ADGRB3: variants seen among roughly 807,000 people sequenced by gnomAD.
The protein encoded by ADGRB3 is brain-specific angiogenesis inhibitor 3.
A neutral mutation model predicts 193.4 loss-of-function variants in ADGRB3; 37 were observed. The ratio of observed to expected loss-of-function variants is 0.19; its 90% CI spans 0.15 to 0.25. ADGRB3 has a LOEUF of 0.25. Ranked by LOEUF, ADGRB3 falls within the 10% of genes least tolerant of loss-of-function variation. The pLI, the probability that ADGRB3 is intolerant of heterozygous loss-of-function variation, is 1.00. For missense variants in ADGRB3, 1,637 were observed against 1,852.9 expected (o/e 0.88, Z 2.14); for synonymous variants, 690 against 644.2 (o/e 1.07, Z -1.08).
chr6:68,669,981 T>C (rs958754256), intron 3 of ADGRB3, among the ~76,000 whole-genome samples: 1 of 152,032 alleles, frequency 6.6e-6, no homozygotes, highest in Non-Finnish European at 1.5e-5. Context: ...TGAGATTATA[T>C]CTCATTGTAG....
intron 29 of ADGRB3, among the ~76,000 whole-genome samples, chr6:69,363,185 G>A (rs967779607): frequency 6.6e-6 from 1 of 151,812 alleles, no homozygotes; most frequent in Non-Finnish European, 1.5e-5. Context: ...TTATTATTAA[G>A]TGTATTATAT....
At chr6:69,270,121 A>C (rs62408272) in intron 20 of ADGRB3, among the ~76,000 whole-genome samples, 7,115 of 152,192 alleles carry the variant, frequency 0.047, 225 homozygotes, top group Non-Finnish European at 0.072. Context: ...TTTCTCCACT[A>C]TGGCTGACAT....
intron 3 of ADGRB3, among the ~76,000 whole-genome samples, chr6:68,648,094 A>G (rs1320698876): frequency 1.3e-5 from 2 of 152,174 alleles, no homozygotes; most frequent in Admixed American, 6.6e-5. Context: ...AATTTTGTGC[A>G]CTTGCAGAGA....
intron 3 of ADGRB3, among the ~76,000 whole-genome samples, chr6:68,825,524 G>A (rs760183247): frequency 6.6e-6 from 1 of 152,194 alleles, no homozygotes; most frequent in Admixed American, 6.5e-5. Context: ...TTAAGAAACA[G>A]AACTTTAGAT....
rs1773470513 is a variant in ADGRB3, at chr6:69,114,645, CT to C, written c.2480+38609del. Among the ~76,000 whole-genome samples the C allele has an allele frequency of 3.9e-5, 6 of 152,130 alleles. No individual in the cohort carries two copies. The South Asian group carries it at 1.0e-3, about 26-fold the overall frequency. On this transcript the variant is annotated intron_variant, in intron 17 of 31. Coordinates refer to ENST00000370598, the MANE Select transcript of ADGRB3 (RefSeq NM_001704.3). ...TTCTAGGGTTTTTATGGTTTTAGGTCTTATGTTTAAGTCTTTAATCAACCTT... is the reference window on the plus strand; with the variant it reads ...TTCTAGGGTTTTTATGGTTTTAGGTCTATGTTTAAGTCTTTAATCAACCTT...
intron 3 of ADGRB3, among the ~76,000 whole-genome samples, chr6:68,734,945 G>A (rs1340835429): frequency 1.3e-5 from 2 of 151,846 alleles, no homozygotes; most frequent in African/African-American, 4.8e-5. Context: ...GCACTTGAAG[G>A]AATAAAGTGA....
At chr6:69,171,028 C>T (rs939320604) in intron 17 of ADGRB3, among the ~76,000 whole-genome samples, 2 of 152,088 alleles carry the variant, frequency 1.3e-5, no homozygotes, top group African/African-American at 4.8e-5. Flanking sequence ...AATTGTAACT[C>T]TAATAATATA....
chr6:69,360,753 A>G (rs1769432209), intron 28 of ADGRB3, 116 bp from the exon 29 acceptor site: 1 of 1,088,582 alleles, frequency 9.2e-7, no homozygotes, highest in Non-Finnish European at 1.3e-6. Flanking sequence ...TTTAAATAAC[A>G]TACCTACCAA....
chr6:69,284,560 T>A (rs1767508616), intron 20 of ADGRB3, among the ~76,000 whole-genome samples: 1 of 152,136 alleles, frequency 6.6e-6, no homozygotes, highest in Admixed American at 6.5e-5. Context: ...GGAGCCCTGG[T>A]TACTACTTTT....
At chr6:68,761,894 T>C (rs544664897) in intron 3 of ADGRB3, among the ~76,000 whole-genome samples, 1 of 152,280 alleles carries the variant, frequency 6.6e-6, no homozygotes, top group South Asian at 2.1e-4. Context: ...CTGAGAAGTG[T>C]TGTATGTGAC....
chr6:69,379,558 G>A (rs976731670), intron 30 of ADGRB3, among the ~76,000 whole-genome samples: 21 of 151,958 alleles, frequency 1.4e-4, no homozygotes, highest in African/African-American at 4.8e-4. Flanking sequence ...AATATTGTTG[G>A]GTTATAAACT....
chr6:69,358,119 A>C (rs1320498508), intron 28 of ADGRB3, among the ~76,000 whole-genome samples: 3 of 151,990 alleles, frequency 2.0e-5, no homozygotes, highest in Non-Finnish European at 4.4e-5. Flanking sequence ...ACAGAGAAGC[A>C]ATATAAGAGC....
chr6:68,760,343 G>A (rs1313990122), intron 3 of ADGRB3, among the ~76,000 whole-genome samples: 1 of 152,180 alleles, frequency 6.6e-6, no homozygotes, highest in African/African-American at 2.4e-5. Flanking sequence ...TAAATTTCTA[G>A]TAGCTAGTTG....
chr6:69,259,262 T>C (rs942951894), intron 20 of ADGRB3, among the ~76,000 whole-genome samples: 5 of 152,212 alleles, frequency 3.3e-5, no homozygotes, highest in Non-Finnish European at 7.3e-5. Context: ...ACAAGAAGGA[T>C]GATTTTAAGT....
intron 3 of ADGRB3, among the ~76,000 whole-genome samples, chr6:68,722,416 G>C (rs1465818272): frequency 6.6e-6 from 1 of 151,534 alleles, no homozygotes; most frequent in Non-Finnish European, 1.5e-5. Flanking sequence ...ACCATGGCAC[G>C]TGTACGTCTA....
chr6:69,134,180 G>A (rs966894369), intron 17 of ADGRB3, among the ~76,000 whole-genome samples: 1 of 152,040 alleles, frequency 6.6e-6, no homozygotes, highest in Non-Finnish European at 1.5e-5. Flanking sequence ...TCTTGAATAT[G>A]CTTTAAATAA....
chr6:69,330,160 G>A (rs1431191731), intron 22 of ADGRB3, among the ~76,000 whole-genome samples: 1 of 151,928 alleles, frequency 6.6e-6, no homozygotes, highest in East Asian at 1.9e-4. Flanking sequence ...AATCCATAAT[G>A]GATATAAAGC....
At chr6:69,244,144 C>A (rs1339407142) in intron 20 of ADGRB3, among the ~76,000 whole-genome samples, 1 of 151,998 alleles carries the variant, frequency 6.6e-6, no homozygotes, top group Non-Finnish European at 1.5e-5. Flanking sequence ...TGGGCTGTGT[C>A]TTTTAATTCA....
intron 3 of ADGRB3, among the ~76,000 whole-genome samples, chr6:68,801,256 T>C (rs1337117812): frequency 2.0e-5 from 3 of 152,220 alleles, no homozygotes; most frequent in Admixed American, 6.5e-5. Flanking sequence ...CTTAGTGTCA[T>C]CCTTTACTCT....
Sources: gnomAD v4.1 joint callset for allele counts (sites outside exome capture counted in the v4.1 genomes callset) on GRCh38, gnomAD v4.1.1 for gene constraint, MANE v1.5 for transcripts, NCBI Gene and HGNC (gene_info 2026-07-23, HGNC 2026-07-21) for gene names.